Variants in ITIH2 observed in about 807,000 individuals in gnomAD.
ITIH2 encodes the protein inter-alpha-trypsin inhibitor heavy chain H2.
In ITIH2, 103 loss-of-function variants were observed where a neutral mutation model predicts 104.4. The ratio of observed to expected loss-of-function variants is 0.99; its 90% confidence interval spans 0.84 to 1.16. The LOEUF (loss-of-function observed/expected upper bound fraction) is 1.16. ITIH2 is among the 50% of genes most tolerant of loss of function. The pLI is 0.00. For missense variants in ITIH2, 1,108 were observed against 1,162.4 expected, an observed-to-expected ratio of 0.95 and a Z score of 0.68; for synonymous variants, 436 against 435.4, an observed-to-expected ratio of 1.00 and a Z score of -0.02.
At chr10:7,738,296 AATATT>A (rs1420880662) in intron 15 of ITIH2, among the ~76,000 whole-genome samples, 1 of 120,026 alleles carries the variant, frequency 8.3e-6, no homozygotes, top group Admixed American at 1.1e-4. Flanking sequence ...TATTCTATAT[AATATT>A]ATATATTATA....
In ITIH2 at chr10:7,749,068, T is replaced by C. The variant is rs576384147; in HGVS notation, c.2694-119T>C. On this transcript the variant is annotated intron_variant, in intron 20 of 20. Coordinates refer to ENST00000358415, the MANE Select transcript of ITIH2 (RefSeq NM_002216.3). ...TTTCACATGACTTGGGGAGCAGCGA[T>C]AGGTGGGGGGCGGCAGATGTGGTGA... 482 of 939,920 alleles carry C rather than the reference T, an allele frequency of 5.1e-4. 1 individual carries two copies. The highest frequency in any genetic ancestry group is 1.8e-4 in the Non-Finnish European group (112 of 609,046). 58.2% of individuals were successfully genotyped at this position (939,920 alleles called of 1,614,324 possible).
rs1434342606 is a variant in ITIH2, at chr10:7,734,971, CT to C, written c.1838del (p.Leu613ArgfsTer5). The C allele has an allele frequency of 1.3e-5, 21 of 1,613,672 alleles. No individual in the cohort carries two copies. The highest frequency in any genetic ancestry group is 1.6e-5 in the Non-Finnish European group (19 of 1,179,960). ...CAAGAGAAGAATTACAAGATCGATC[CT>C]GCAGATGTCTCTAGACCACCACATT... ...AAKRRITRSILQMSLDHHIVT... is the reference protein window; with the variant it reads ...AAKRRITRSIXQMSLDHHIVT... On this transcript the variant is annotated frameshift_variant, in exon 15 of 21. Transcript: ENST00000358415. LOFTEE classifies it high-confidence loss of function.
intron 2 of ITIH2, 144 bp from the exon 3 acceptor site, chr10:7,707,057 A>G: frequency 2.0e-6 from 1 of 491,124 alleles, no homozygotes; most frequent in Non-Finnish European, 3.6e-6. Context: ...AATATTCAAT[A>G]TTTATGTCTC....
At chr10:7,721,224 G>A (rs1834899571) in intron 7 of ITIH2, among the ~76,000 whole-genome samples, 1 of 152,090 alleles carries the variant, frequency 6.6e-6, no homozygotes, top group African/African-American at 2.4e-5. Context: ...AGTAGCTAAA[G>A]GACAGCTTTC....
chr10:7,729,773 A>G (rs1834984271), intron 11 of ITIH2, 179 bp from the exon 12 acceptor site: 2 of 492,632 alleles, frequency 4.1e-6, no homozygotes, highest in African/African-American at 3.9e-5. Context: ...CACAACCCAC[A>G]CTTCATTTCA....
chr10:7,736,487 C>G (rs1484777924), intron 15 of ITIH2, among the ~76,000 whole-genome samples: 1 of 152,034 alleles, frequency 6.6e-6, no homozygotes, highest in African/African-American at 2.4e-5. Flanking sequence ...TTAGTAATCA[C>G]CTCACTTATC....
chr10:7,730,394 A>C (rs1001177214), intron 12 of ITIH2, among the ~76,000 whole-genome samples: 1 of 152,206 alleles, frequency 6.6e-6, no homozygotes, highest in African/African-American at 2.4e-5. Context: ...AGGCCTTCTG[A>C]GCGTCATCAA....
chr10:7,734,130 G>T (rs1374844849), intron 14 of ITIH2, among the ~76,000 whole-genome samples: 1 of 152,092 alleles, frequency 6.6e-6, no homozygotes, highest in Non-Finnish European at 1.5e-5. Context: ...ATACTCCAAT[G>T]GTGGACACCT....
chr10:7,717,648 A>G lies in ITIH2; in HGVS notation c.490A>G (p.Asn164Asp). Reference sequence around the variant, plus strand: ...TAGGAGCAGCGCTCTTGATATGGAAAACTTCAGAACGGAAGTAAATGTCCT... The same window carrying G: ...TAGGAGCAGCGCTCTTGATATGGAAGACTTCAGAACGGAAGTAAATGTCCT... Reference protein sequence around the residue: ...LVRSSALDMENFRTEVNVLPG... With the variant: ...LVRSSALDMEDFRTEVNVLPG... Residue 164 changes from asparagine (N) to aspartate (D), a missense_variant, in exon 6 of 21, where the codon AAC becomes GAC. Asn to Asp is a conservative substitution (Grantham distance 23, BLOSUM62 1). Coordinates refer to ENST00000358415, the MANE Select transcript of ITIH2 (RefSeq NM_002216.3). 6.2e-7 allele frequency: 1 copy of G among 1,613,742 alleles called. No homozygotes were observed. Among genetic ancestry groups the G allele is most frequent in the African/African-American group, 1.3e-5 (1 of 75,036 alleles).
intron 2 of ITIH2, among the ~76,000 whole-genome samples, chr10:7,706,146 T>G (rs558700878): frequency 6.6e-6 from 1 of 152,250 alleles, no homozygotes; most frequent in South Asian, 2.1e-4. Flanking sequence ...AATATTAAAA[T>G]CCAATAAGCA....
intron 19 of ITIH2, among the ~76,000 whole-genome samples, chr10:7,745,901 T>C (rs1006759332): frequency 4.0e-5 from 6 of 150,788 alleles, no homozygotes; most frequent in Non-Finnish European, 8.9e-5. Flanking sequence ...ATTACAGGCA[T>C]GCACCACCAC....
intron 13 of ITIH2, 53 bp from the exon 14 acceptor site, chr10:7,732,285 T>C (rs1399989574): frequency 1.3e-6 from 2 of 1,564,380 alleles, no homozygotes; most frequent in African/African-American, 1.4e-5. Context: ...TGTGAATCAA[T>C]GAACTATAAT....
At position 7,731,119 on chromosome 10, in the gene ITIH2, T is replaced by A. The variant is rs183954326; in HGVS notation, c.1462-692T>A. The stretch of plus-strand genomic sequence containing the variant: ...TTTTTAGAAGAGACAGGGTTTACCA[T>A]GTTGGCGAGGCTGGTCTCAAACTCC... On this transcript the variant is annotated intron_variant, in intron 12 of 20. Coordinates refer to ENST00000358415, the MANE Select transcript of ITIH2 (RefSeq NM_002216.3). Among the ~76,000 whole-genome samples, 471 of 150,832 alleles carry A rather than the reference T, an allele frequency of 3.1e-3. 3 individuals are homozygous for A. Among genetic ancestry groups the A allele is most frequent in the African/African-American group, 0.011 (445 of 40,252 alleles).
At chr10:7,746,858 G>A (rs1174903352) in intron 20 of ITIH2, among the ~76,000 whole-genome samples, 154 bp downstream of exon 20, 1 of 152,186 alleles carries the variant, frequency 6.6e-6, no homozygotes, top group Non-Finnish European at 1.5e-5. Context: ...ATTCGCATAA[G>A]GACACTTCTG....
intron 16 of ITIH2, among the ~76,000 whole-genome samples, chr10:7,741,385 G>A (rs1301693769): frequency 1.3e-5 from 2 of 151,814 alleles, no homozygotes; most frequent in South Asian, 2.1e-4. Context: ...TCACTATGCT[G>A]GCCAGGCTGG....
chr10:7,729,796 G>T (rs9633763), intron 11 of ITIH2, 156 bp from the exon 12 acceptor site: 10,663 of 530,776 alleles, frequency 0.02, 782 homozygotes, highest in African/African-American at 0.17. Context: ...ATGTACGAGT[G>T]CATCTCTAAG....
At chr10:7,745,780 GT>G in intron 19 of ITIH2, among the ~76,000 whole-genome samples, 1 of 151,048 alleles carries the variant, frequency 6.6e-6, no homozygotes, top group Non-Finnish European at 1.5e-5. Context: ...ATGAGATGGA[GT>G]TTCTCTCTTG....
intron 3 of ITIH2, among the ~76,000 whole-genome samples, chr10:7,707,687 C>T (rs543851879): frequency 1.3e-5 from 2 of 152,302 alleles, no homozygotes; most frequent in South Asian, 4.1e-4. Flanking sequence ...GCCTCAGCCT[C>T]TCAAGTAGCT....
intron 15 of ITIH2, among the ~76,000 whole-genome samples, chr10:7,736,047 T>C (rs1356412484): frequency 6.6e-6 from 1 of 152,108 alleles, no homozygotes; most frequent in Non-Finnish European, 1.5e-5. Flanking sequence ...TTTTAAAAAA[T>C]ACATAAGCAA....
Sources: gnomAD v4.1 joint callset for allele counts (sites outside exome capture counted in the v4.1 genomes callset) on GRCh38, gnomAD v4.1.1 for gene constraint, MANE v1.5 for transcripts, NCBI Gene and HGNC (gene_info 2026-07-23, HGNC 2026-07-21) for gene names.